DOCK9: variants seen among roughly 807,000 people sequenced by gnomAD.
DOCK9 encodes dedicator of cytokinesis 9, also known as dedicator of cytokinesis protein 9.
DOCK9 carries 89 observed loss-of-function variants against 263.3 expected under a neutral mutation model. The observed-to-expected ratio is 0.34, with a 90% CI of 0.28 to 0.40. The LOEUF is 0.40. Among genes scored for constraint, DOCK9 ranks in the 10% least tolerant of loss-of-function variants. DOCK9 has a pLI of 1.00. For synonymous variants in DOCK9, 976 were observed against 973.1 expected, an observed-to-expected ratio of 1.00 and a Z score of -0.06; for missense variants, 2,140 against 2,603.4, an observed-to-expected ratio of 0.82 and a Z score of 3.87.
chr13:98,960,959 C>T (rs1283834299), intron 1 of DOCK9, among the ~76,000 whole-genome samples: 2 of 152,138 alleles, frequency 1.3e-5, no homozygotes, highest in Non-Finnish European at 2.9e-5. Context: ...ACATTCTTTG[C>T]TTTCTATGAT....
intron 1 of DOCK9, among the ~76,000 whole-genome samples, chr13:99,062,345 A>C (rs1479479743): frequency 2.6e-5 from 4 of 152,190 alleles, no homozygotes; most frequent in African/African-American, 9.7e-5. Context: ...GCCCCCTCCC[A>C]AGCAAACTTC....
At chr13:99,088,024 T>C (rs997479385), upstream of DOCK9, 2 of 152,210 alleles carry the variant, frequency 1.3e-5, no homozygotes, top group Non-Finnish European at 2.9e-5. Flanking sequence ...CTTAAAGTGG[T>C]AGGGGAAAAT....
intron 38 of DOCK9, among the ~76,000 whole-genome samples, chr13:98,840,994 C>T (rs2093189631): frequency 6.6e-6 from 1 of 152,150 alleles, no homozygotes; most frequent in Non-Finnish European, 1.5e-5. Flanking sequence ...TGAGTTCAAA[C>T]ATTTTTGCAA....
intron 1 of DOCK9, among the ~76,000 whole-genome samples, chr13:99,043,821 C>T (rs1330483932): frequency 2.0e-5 from 3 of 152,104 alleles, no homozygotes; most frequent in South Asian, 2.1e-4. Flanking sequence ...CATGATGGGA[C>T]GGCCAGCTTC....
intron 1 of DOCK9, among the ~76,000 whole-genome samples, chr13:99,038,285 C>G (rs1313029701): frequency 5.7e-5 from 4 of 70,756 alleles, no homozygotes; most frequent in Non-Finnish European, 1.1e-4. Flanking sequence ...GCTTTATGCC[C>G]CCCTTTTTTT....
chr13:99,010,368 T>C (rs946419488), intron 1 of DOCK9, among the ~76,000 whole-genome samples: 9 of 152,138 alleles, frequency 5.9e-5, no homozygotes, highest in Admixed American at 2.6e-4. Flanking sequence ...CAAGGAAAAA[T>C]TGAATTGACA....
intron 1 of DOCK9, among the ~76,000 whole-genome samples, chr13:99,011,266 AT>A (rs1884430623): frequency 6.6e-6 from 1 of 152,220 alleles, no homozygotes; most frequent in South Asian, 2.1e-4. Flanking sequence ...ACATAATAAA[AT>A]TTAAAAGTAT....
At chr13:98,811,569 C>T (rs1328980936) in intron 45 of DOCK9, among the ~76,000 whole-genome samples, 3 of 152,186 alleles carry the variant, frequency 2.0e-5, no homozygotes, top group South Asian at 4.2e-4. Context: ...CACCAACATG[C>T]CCCACTAATT....
intron 2 of DOCK9, among the ~76,000 whole-genome samples, chr13:98,931,067 G>T (rs867939082): frequency 6.6e-6 from 1 of 152,084 alleles, no homozygotes; most frequent in African/African-American, 2.4e-5. Context: ...CATCCCCAGC[G>T]CCTAAGAGCA....
intron 27 of DOCK9, among the ~76,000 whole-genome samples, chr13:98,869,615 G>A (rs996641392): frequency 3.3e-5 from 5 of 152,240 alleles, no homozygotes; most frequent in Admixed American, 6.5e-5. Context: ...CAGGAAAACT[G>A]AGGCTTAGAG....
At chr13:99,082,695 A>T (rs575919889) in intron 1 of DOCK9, among the ~76,000 whole-genome samples, 88 of 152,276 alleles carry the variant, frequency 5.8e-4, no homozygotes, top group African/African-American at 2.1e-3. Context: ...AAGGGGACTT[A>T]AGTAGCTGGT....
rs2142076210 is a variant in DOCK9 at position 98,867,644 on chromosome 13, C to T, written c.3175-108G>A. The T allele has an allele frequency of 6.6e-6, 5 of 755,836 alleles. No individual in the cohort carries two copies. The South Asian group carries it at 8.6e-5, about 13-fold the overall frequency. The allele number at this position is 755,836 out of a possible 1,614,324, so 46.8% of individuals were successfully genotyped here. On this transcript the variant is annotated intron_variant, in intron 29 of 52. Coordinates refer to ENST00000682017, the MANE Select transcript of DOCK9 (RefSeq NM_001366683.2). ...TAGAAATAGTCATTAGCTTCTTGAC[C>T]TTCTTAGAACTGCACACTCTATTGC...
intron 1 of DOCK9, among the ~76,000 whole-genome samples, chr13:98,963,760 A>G (rs1452774928): frequency 1.3e-5 from 2 of 152,216 alleles, no homozygotes; most frequent in South Asian, 2.1e-4. Flanking sequence ...GCGCTTCTCA[A>G]TGTTGCCAAC....
intron 3 of DOCK9, among the ~76,000 whole-genome samples, chr13:98,929,421 TAATC>T (rs1333686680): frequency 1.3e-5 from 2 of 152,006 alleles, no homozygotes; most frequent in Admixed American, 1.3e-4. Flanking sequence ...TGCACGCCTG[TAATC>T]CCAGCTACTT....
In DOCK9 at chr13:98,915,417, C is replaced by T. The variant is rs1325134589; in HGVS notation, c.804G>A (p.Met268Ile). Residue 268 changes from methionine (M) to isoleucine (I), a missense_variant, in exon 8 of 53, where the codon ATG becomes ATA. By Grantham distance (10) the Met-to-Ile change is conservative. Coordinates refer to ENST00000682017, the MANE Select transcript of DOCK9 (RefSeq NM_001366683.2). ...TATTTAGAATTGTGATCCATTCTTC[C>T]ATTTCCACTTCACTGTCTGCTGCCA... is the stretch of plus-strand genomic sequence containing the variant. ...YLLAADSEVE[M>I]EEWITILNKI... 2 of 1,613,856 alleles carry T rather than the reference C, an allele frequency of 1.2e-6. No individual in the cohort carries two copies.
intron 10 of DOCK9, among the ~76,000 whole-genome samples, chr13:98,903,687 A>T (rs1171083117): frequency 2.6e-5 from 4 of 152,104 alleles, no homozygotes; most frequent in Non-Finnish European, 5.9e-5. Flanking sequence ...AGAGCTTGAA[A>T]ATTATGATCA....
intron 1 of DOCK9, among the ~76,000 whole-genome samples, chr13:99,033,434 G>A (rs1357049982): frequency 6.6e-6 from 1 of 152,174 alleles, no homozygotes; most frequent in East Asian, 1.9e-4. Flanking sequence ...TGCATGAGCG[G>A]GAATGCCCGT....
At position 98,977,930 on chromosome 13, in the gene DOCK9, C is replaced by T; in HGVS notation, c.-21G>A. 6.4e-7 allele frequency: 1 copy of T among 1,564,660 alleles called. No homozygotes were observed. Among genetic ancestry groups the T allele is most frequent in the South Asian group, 1.2e-5 (1 of 84,236 alleles). The stretch of plus-strand genomic sequence containing the variant: ...TGCATTCTCGGCTGAAAACGCAAGT[C>T]AGAAAGTCTGCAACTGGAACAGCTG... On this transcript the variant is annotated 5_prime_UTR_variant, in exon 1 of 53. The change abolishes the stop of an existing upstream ORF in the 5' untranslated region. Transcript: ENST00000682017.
At chr13:98,807,849 C>A in intron 47 of DOCK9, 42 bp from the exon 48 acceptor site, 1 of 1,543,604 alleles carries the variant, frequency 6.5e-7, no homozygotes, top group South Asian at 1.3e-5. Context: ...TGAACGTAAG[C>A]CCAGGGCTTA....
Sources: gnomAD v4.1 joint callset for allele counts (sites outside exome capture counted in the v4.1 genomes callset) on GRCh38, gnomAD v4.1.1 for gene constraint, MANE v1.5 for transcripts, NCBI Gene and HGNC (gene_info 2026-07-23, HGNC 2026-07-21) for gene names.